Variants in EPHB1 observed in about 807,000 individuals in gnomAD.
EPHB1 encodes the protein EPH receptor B1.
A neutral mutation model predicts 94.4 loss-of-function variants in EPHB1; 30 were observed. The ratio of observed to expected loss-of-function variants is 0.32; its 90% CI spans 0.24 to 0.43. EPHB1 has a LOEUF of 0.43. Ranked by LOEUF, EPHB1 falls within the 20% of genes least tolerant of loss-of-function variation. EPHB1 has a pLI of 1.00. For synonymous variants in EPHB1, 522 were observed against 489.1 expected (o/e 1.07, Z -0.89); for missense variants, 1,055 against 1,308.3 (o/e 0.81, Z 2.99).
At position 134,951,469 on chromosome 3, in the gene EPHB1, C is replaced by T. The variant is rs1933026275; in HGVS notation, c.222C>T (p.Thr74=). 1.2e-6 allele frequency: 2 copies of T among 1,613,194 alleles called. No homozygotes were observed. The highest frequency in any genetic ancestry group is 1.3e-5 in the African/African-American group (1 of 74,888). Residue 74 remains threonine, a synonymous_variant, in exon 3 of 16, where the codon ACC becomes ACT. Coordinates refer to ENST00000398015, the MANE Select transcript of EPHB1 (RefSeq NM_004441.5). The surrounding 1 kb of genome is among the most constrained non-coding windows in gnomAD (Gnocchi z 4.5). The part of the protein sequence containing the change: ...FEPNQNNWLL[T]TFINRRGAHR... Reference sequence around the variant, plus strand: ...CCAACCAGAACAATTGGCTGCTCACCACCTTCATCAACCGGCGGGGGGCCC... The same window carrying T: ...CCAACCAGAACAATTGGCTGCTCACTACCTTCATCAACCGGCGGGGGGCCC...
chr3:135,175,582 T>C (rs1941956774), intron 9 of EPHB1, among the ~76,000 whole-genome samples: 1 of 152,176 alleles, frequency 6.6e-6, no homozygotes, highest in African/African-American at 2.4e-5. Flanking sequence ...GAGGTACTAA[T>C]AAACAGCAGT....
intron 3 of EPHB1, among the ~76,000 whole-genome samples, chr3:135,043,274 A>ATAG (rs1016959115): frequency 2.1e-5 from 3 of 139,640 alleles, no homozygotes; most frequent in Non-Finnish European, 3.1e-5. Context: ...AATAATAATA[A>ATAG]TAGTAATAAT....
At chr3:134,893,626 C>T (rs537943253) in intron 1 of EPHB1, among the ~76,000 whole-genome samples, 1 of 152,352 alleles carries the variant, frequency 6.6e-6, no homozygotes. Flanking sequence ...CCAGCCTCCT[C>T]GCCATCATCA....
At chr3:135,044,491 T>G (rs1936939881) in intron 3 of EPHB1, among the ~76,000 whole-genome samples, 2 of 152,208 alleles carry the variant, frequency 1.3e-5, no homozygotes, top group Admixed American at 6.5e-5. Context: ...GAACACCAGC[T>G]TCATGGTCAG....
chr3:135,238,774 A>G (rs1943712056), intron 12 of EPHB1, among the ~76,000 whole-genome samples: 1 of 152,108 alleles, frequency 6.6e-6, no homozygotes, highest in Non-Finnish European at 1.5e-5. Flanking sequence ...TATACTAATT[A>G]AACTCCAATT....
At chr3:135,172,442 A>G (rs567503292) in intron 9 of EPHB1, among the ~76,000 whole-genome samples, 47 of 152,236 alleles carry the variant, frequency 3.1e-4, no homozygotes, top group Non-Finnish European at 5.4e-4. Context: ...AGCAGAGACT[A>G]GATAGCTGTC....
intron 3 of EPHB1, among the ~76,000 whole-genome samples, chr3:135,063,921 C>T (rs114953707): frequency 0.039 from 5,979 of 152,010 alleles, 165 homozygotes; most frequent in East Asian, 0.14. Context: ...TGGATTTTTT[C>T]GAATGCATTT....
chr3:134,804,894 C>T (rs563607419), intron 1 of EPHB1, among the ~76,000 whole-genome samples: 104 of 152,276 alleles, frequency 6.8e-4, no homozygotes, highest in African/African-American at 2.3e-3. Context: ...CCCTTGGAGC[C>T]GTGGCAGTGG....
intron 5 of EPHB1, among the ~76,000 whole-genome samples, chr3:135,136,313 T>G (rs1940617566): frequency 6.6e-6 from 1 of 152,188 alleles, no homozygotes; most frequent in Admixed American, 6.5e-5. Flanking sequence ...CAGAGAGCCT[T>G]CATCTTCTCC....
chr3:134,822,825 G>C (rs1023691323), intron 1 of EPHB1, among the ~76,000 whole-genome samples: 1 of 152,220 alleles, frequency 6.6e-6, no homozygotes, highest in East Asian at 1.9e-4. Context: ...GAGATTGTTT[G>C]TGGGAGTTGG....
chr3:134,894,572 T>G (rs1324897292), intron 1 of EPHB1, among the ~76,000 whole-genome samples: 1 of 152,192 alleles, frequency 6.6e-6, no homozygotes. Flanking sequence ...CCCAGATTGT[T>G]GGTTTGATTT....
intron 1 of EPHB1, among the ~76,000 whole-genome samples, chr3:134,809,159 C>T (rs1177043672): frequency 1.3e-5 from 2 of 152,130 alleles, no homozygotes; most frequent in Non-Finnish European, 2.9e-5. Context: ...TACTTTTTCC[C>T]CTAGGTTTTG....
intron 3 of EPHB1, among the ~76,000 whole-genome samples, chr3:135,066,638 G>A (rs891293060): frequency 5.3e-5 from 8 of 151,936 alleles, no homozygotes; most frequent in Non-Finnish European, 8.8e-5. Flanking sequence ...ACTGGGCCTC[G>A]CCTTTCTCTG....
At chr3:134,861,572 G>A (rs1364820972) in intron 1 of EPHB1, among the ~76,000 whole-genome samples, 3 of 152,168 alleles carry the variant, frequency 2.0e-5, no homozygotes, top group African/African-American at 7.2e-5. Flanking sequence ...AAAAGCTGAG[G>A]AAAAACTGTG....
intron 15 of EPHB1, among the ~76,000 whole-genome samples, chr3:135,257,374 G>A (rs1049297894): frequency 4.0e-5 from 6 of 151,826 alleles, no homozygotes; most frequent in African/African-American, 1.5e-4. Flanking sequence ...TTTGATGATG[G>A]TGATGTACAG....
At chr3:134,973,668 G>A (rs1384764199) in intron 3 of EPHB1, among the ~76,000 whole-genome samples, 1 of 152,064 alleles carries the variant, frequency 6.6e-6, no homozygotes, top group South Asian at 2.1e-4. Context: ...CTGACCTCAG[G>A]TAATCCACTT....
At chr3:134,833,362 C>G (rs2036611762) in intron 1 of EPHB1, among the ~76,000 whole-genome samples, 1 of 152,214 alleles carries the variant, frequency 6.6e-6, no homozygotes, top group Non-Finnish European at 1.5e-5. Flanking sequence ...GTCATTAGGA[C>G]TGTGAGTGGG....
At chr3:134,838,634 TA>T (rs139505299) in intron 1 of EPHB1, among the ~76,000 whole-genome samples, 24,437 of 152,102 alleles carry the variant, frequency 0.16, 2,193 homozygotes, top group South Asian at 0.41. Context: ...ACCCTTCTCT[TA>T]AAAAAATCCT....
intron 1 of EPHB1, among the ~76,000 whole-genome samples, chr3:134,814,860 T>G (rs1214730272): frequency 6.6e-5 from 10 of 152,188 alleles, no homozygotes; most frequent in Non-Finnish European, 1.2e-4. Context: ...GTGTCACCAC[T>G]CGGTGTGTGG....
Sources: allele counts gnomAD v4.1 joint callset (sites outside exome capture counted in the v4.1 genomes callset), GRCh38; gene constraint gnomAD v4.1.1; non-coding constraint Gnocchi (gnomAD v3.1); transcripts MANE v1.5; gene names NCBI Gene and HGNC (gene_info 2026-07-23, HGNC 2026-07-21).